RETREG1: variants seen among roughly 807,000 people sequenced by gnomAD.
RETREG1 encodes the protein reticulophagy regulator 1.
In RETREG1, 44 loss-of-function variants were observed where a neutral mutation model predicts 54.8. The ratio of observed to expected loss-of-function variants is 0.80; its 90% confidence interval spans 0.63 to 1.03. The LOEUF is 1.03. Among genes scored for constraint, RETREG1 ranks in the 50% least tolerant of loss-of-function variants. RETREG1 has a pLI of 0.00. For synonymous variants in RETREG1, 217 were observed against 238.5 expected (o/e 0.91, Z 0.83); for missense variants, 554 against 605.1 (o/e 0.92, Z 0.89).
At chr5:16,525,394 C>T (rs115479306) in intron 3 of RETREG1, among the ~76,000 whole-genome samples, 2,337 of 152,266 alleles carry the variant, frequency 0.015, 54 homozygotes, top group African/African-American at 0.054. Context: ...CCTTCCCCCC[C>T]GCCACGAAAG....
chr5:16,512,890 G>C (rs765889200), intron 3 of RETREG1, among the ~76,000 whole-genome samples: 1 of 152,188 alleles, frequency 6.6e-6, no homozygotes, highest in South Asian at 2.1e-4. Flanking sequence ...CCAGAAACGG[G>C]ATTCAAAGTA....
At chr5:16,521,503 A>C (rs1732833406) in intron 3 of RETREG1, among the ~76,000 whole-genome samples, 1 of 152,218 alleles carries the variant, frequency 6.6e-6, no homozygotes, top group Admixed American at 6.5e-5. Flanking sequence ...AATTTAGAAC[A>C]AATCATCATA....
At chr5:16,485,013 T>G (rs1249668425) in intron 3 of RETREG1, among the ~76,000 whole-genome samples, 1 of 152,056 alleles carries the variant, frequency 6.6e-6, no homozygotes, top group Non-Finnish European at 1.5e-5. Flanking sequence ...AAATACTAAG[T>G]GCATAGCTAA....
chr5:16,474,937 T>G lies in RETREG1; in HGVS notation c.1298A>C (p.Gln433Pro), dbSNP rs779237404. ...GGGGGCAGCCTGAGAAAGTGCTTGC[T>G]GCACACCCTCTAACTGGTCTTTGAT... ...AAIKDQLEGV[Q>P]QALSQAAPIP... The change falls in exon 9 of 9, where the codon CAG becomes CCG. Residue 433 changes from glutamine (Q) to proline (P), a missense_variant. Transcript: ENST00000306320. 6.2e-7 allele frequency: 1 copy of G among 1,613,958 alleles called. No homozygotes were observed. Among genetic ancestry groups the G allele is most frequent in the Non-Finnish European group, 8.5e-7 (1 of 1,179,944 alleles).
chr5:16,497,817 T>C (rs186344911), intron 3 of RETREG1, among the ~76,000 whole-genome samples: 1 of 152,170 alleles, frequency 6.6e-6, no homozygotes. Context: ...CCATTTGCAG[T>C]TTATAGGAGT....
chr5:16,572,369 C>T (rs548932562), intron 1 of RETREG1, among the ~76,000 whole-genome samples: 4 of 152,202 alleles, frequency 2.6e-5, no homozygotes, highest in African/African-American at 9.6e-5. Flanking sequence ...TGAGCCACCA[C>T]GCCAAGCTCA....
intron 3 of RETREG1, among the ~76,000 whole-genome samples, chr5:16,529,137 T>C (rs772205835): frequency 6.6e-6 from 1 of 152,106 alleles, no homozygotes; most frequent in Non-Finnish European, 1.5e-5. Flanking sequence ...AACCTACAAA[T>C]AAAAAATAAA....
At position 16,594,608 on chromosome 5, in the gene RETREG1, C is replaced by T. The variant is rs564518376; in HGVS notation, c.320+22044G>A. 2.0e-5 allele frequency among the ~76,000 whole-genome samples: 3 copies of T among 152,146 alleles called. No homozygotes were observed. In the East Asian group the frequency reaches 5.8e-4, roughly 29 times the overall value. ...GGCGTGGTGGCGCATGTCTGTAGTCCCAGATACTCGGGAGGCTGAGGCAGG... is the reference window on the plus strand; with the variant it reads ...GGCGTGGTGGCGCATGTCTGTAGTCTCAGATACTCGGGAGGCTGAGGCAGG... On this transcript the variant is annotated intron_variant, in intron 1 of 8. Transcript: ENST00000306320. The surrounding 1 kb of genome is among the most constrained non-coding windows in gnomAD (Gnocchi z 4.4).
intron 3 of RETREG1, among the ~76,000 whole-genome samples, chr5:16,545,141 C>G (rs1307812966): frequency 6.6e-6 from 1 of 152,146 alleles, no homozygotes; most frequent in Non-Finnish European, 1.5e-5. Context: ...TCCTGTGAAT[C>G]AGGGCTACTT....
intron 3 of RETREG1, among the ~76,000 whole-genome samples, chr5:16,564,792 G>T (rs10035580): frequency 0.31 from 46,476 of 152,062 alleles, 7,250 homozygotes; most frequent in South Asian, 0.43. Context: ...TGAAATGAAG[G>T]AACAAGCAAG....
chr5:16,533,987 A>G (rs1740986306), intron 3 of RETREG1, among the ~76,000 whole-genome samples: 1 of 152,038 alleles, frequency 6.6e-6, no homozygotes, highest in South Asian at 2.1e-4. Context: ...TGAGGTCTGG[A>G]GCCTACACCC....
intron 3 of RETREG1, among the ~76,000 whole-genome samples, chr5:16,563,266 G>A (rs570525305): frequency 2.6e-5 from 4 of 152,140 alleles, no homozygotes; most frequent in Admixed American, 6.6e-5. Context: ...TTTATTTTAT[G>A]TTATTTTTTA....
intron 1 of RETREG1, among the ~76,000 whole-genome samples, chr5:16,592,573 C>T (rs888492218): frequency 4.6e-5 from 7 of 152,268 alleles, no homozygotes; most frequent in African/African-American, 1.7e-4. Context: ...GAATATAAAT[C>T]ATTCTATCAT....
chr5:16,527,635 T>A (rs1417667608), intron 3 of RETREG1, among the ~76,000 whole-genome samples: 2 of 152,064 alleles, frequency 1.3e-5, no homozygotes, highest in Non-Finnish European at 2.9e-5. Flanking sequence ...ACACATCTCA[T>A]AATTCTTTCT....
At chr5:16,519,435 T>G (rs1394196044) in intron 3 of RETREG1, among the ~76,000 whole-genome samples, 1 of 152,180 alleles carries the variant, frequency 6.6e-6, no homozygotes, top group Non-Finnish European at 1.5e-5. Context: ...AGGATACAGT[T>G]GTAAGCAGTG....
intron 3 of RETREG1, among the ~76,000 whole-genome samples, chr5:16,488,380 G>A (rs1034439617): frequency 6.6e-6 from 1 of 152,208 alleles, no homozygotes; most frequent in Admixed American, 6.5e-5. Context: ...CCTGGCCTGG[G>A]AGCAGGGGCA....
At chr5:16,525,236 C>G (rs1740671079) in intron 3 of RETREG1, among the ~76,000 whole-genome samples, 1 of 150,150 alleles carries the variant, frequency 6.7e-6, no homozygotes, top group South Asian at 2.1e-4. Context: ...GAGGGGGACA[C>G]TGTGCTGACC....
intron 3 of RETREG1, among the ~76,000 whole-genome samples, chr5:16,538,320 T>C (rs1741134021): frequency 2.6e-5 from 4 of 152,220 alleles, no homozygotes; most frequent in Admixed American, 2.6e-4. Flanking sequence ...TCCTTGCTCC[T>C]GGCTCCCCTT....
intron 3 of RETREG1, among the ~76,000 whole-genome samples, chr5:16,529,432 CTGTT>C (rs1181430555): frequency 2.0e-4 from 31 of 152,192 alleles, no homozygotes; most frequent in African/African-American, 4.8e-5. Flanking sequence ...AGCAGCTTGA[CTGTT>C]TGCTGTCCAG....
Sources: allele counts gnomAD v4.1 joint callset (sites outside exome capture counted in the v4.1 genomes callset), GRCh38; gene constraint gnomAD v4.1.1; non-coding constraint Gnocchi (gnomAD v3.1); transcripts MANE v1.5; gene names NCBI Gene and HGNC (gene_info 2026-07-23, HGNC 2026-07-21).